ITGA2B: variants seen among roughly 807,000 people sequenced by gnomAD.
ITGA2B encodes the protein integrin alpha-IIb.
In ITGA2B, 91 loss-of-function variants were observed where a neutral mutation model predicts 142.0. That is an observed-to-expected ratio of 0.64 (90% confidence interval 0.54 to 0.76). The LOEUF is 0.76. Ranked by LOEUF, ITGA2B falls within the 30% of genes least tolerant of loss-of-function variation. The pLI, the probability that ITGA2B is intolerant of heterozygous loss-of-function variation, is 0.00. For synonymous variants in ITGA2B, 536 were observed against 567.2 expected, an observed-to-expected ratio of 0.94 and a Z score of 0.78; for missense variants, 1,231 against 1,350.8, an observed-to-expected ratio of 0.91 and a Z score of 1.39.
intron 1 of ITGA2B, among the ~76,000 whole-genome samples, chr17:44,387,988 T>C (rs901799031): frequency 3.3e-5 from 5 of 152,128 alleles, no homozygotes; most frequent in African/African-American, 1.2e-4. Flanking sequence ...GTGGGCCATC[T>C]TGGGAGGGGA....
Position 44,384,122 on chromosome 17 carries a change from G to A in ITGA2B, c.908C>T (p.Ser303Phe), listed in dbSNP as rs761397037. 3.7e-6 allele frequency: 6 copies of A among 1,613,644 alleles called. No homozygotes were observed. In the Admixed American group the frequency reaches 1.0e-4, roughly 27 times the overall value. ...WTLGAVEILD[S>F]YYQRLHRLRG... Reference sequence around the variant, plus strand: ...CAGCCGATGCAGCCTCTGGTAGTAGGAATCCAAAATTTCCACCTGCACGGA... The same window carrying A: ...CAGCCGATGCAGCCTCTGGTAGTAGAAATCCAAAATTTCCACCTGCACGGA... The change falls in exon 10 of 30, where the codon TCC becomes TTC. Residue 303 changes from serine to phenylalanine, a missense_variant. Ser to Phe is a radical substitution (Grantham distance 155). Coordinates refer to ENST00000262407, the MANE Select transcript of ITGA2B (RefSeq NM_000419.5).
chr17:44,387,342 G>C (rs1470958468), intron 1 of ITGA2B, among the ~76,000 whole-genome samples: 3 of 151,654 alleles, frequency 2.0e-5, no homozygotes, highest in Admixed American at 2.0e-4. Context: ...GGCCAACATA[G>C]TGAAACCCTG....
At chr17:44,374,183 G>T in intron 29 of ITGA2B, 171 bp downstream of exon 29, 1 of 710,214 alleles carries the variant, frequency 1.4e-6, no homozygotes, top group East Asian at 2.5e-5. Context: ...TGGGATTACA[G>T]GTGTGAGCCA....
Position 44,385,780 on chromosome 17 carries a change from C to T in ITGA2B, c.408+44G>A, listed in dbSNP as rs569899463. ...TTGGGCTCCTCCTGGCCCCAGGTGT[C>T]CCTGCCCCCGATTGTTCCCTGTGCC... On this transcript the variant is annotated intron_variant, in intron 3 of 29. Coordinates refer to ENST00000262407, the MANE Select transcript of ITGA2B (RefSeq NM_000419.5). 41 of 1,611,506 alleles carry T rather than the reference C, an allele frequency of 2.5e-5. No homozygotes were observed. In the African/African-American group the frequency reaches 5.2e-4, roughly 20 times the overall value.
chr17:44,388,315 C>T (rs1265265548), intron 1 of ITGA2B, among the ~76,000 whole-genome samples: 3 of 149,122 alleles, frequency 2.0e-5, no homozygotes, highest in African/African-American at 7.4e-5. Context: ...TTCTGCAAAT[C>T]AATTTAGGAC....
At chr17:44,389,013 AC>A (rs1407451128) in intron 1 of ITGA2B, among the ~76,000 whole-genome samples, 4 of 151,550 alleles carry the variant, frequency 2.6e-5, no homozygotes, top group Non-Finnish European at 4.4e-5. Flanking sequence ...CATACAACTG[AC>A]CCTTGGGGAA....
chr17:44,374,915 T>C (rs1040562088), intron 27 of ITGA2B, 83 bp downstream of exon 27: 8 of 1,320,312 alleles, frequency 6.1e-6, no homozygotes, highest in East Asian at 5.0e-5. Context: ...CTTCCTGCCC[T>C]CCCACACCAA....
chr17:44,375,557 GGA>G, intron 26 of ITGA2B, 32 bp downstream of exon 26: 1 of 1,611,216 alleles, frequency 6.2e-7, no homozygotes, highest in South Asian at 1.1e-5. Flanking sequence ...TGGGTCCCGG[GGA>G]GGCCGGGCCA....
At chr17:44,384,792 G>T (rs541154171) in intron 7 of ITGA2B, among the ~76,000 whole-genome samples, 156 bp downstream of exon 7, 2 of 152,274 alleles carry the variant, frequency 1.3e-5, no homozygotes, top group East Asian at 3.9e-4. Context: ...GAGGTGGGCG[G>T]TCTGCGGGGA....
chr17:44,383,223 T>G (rs889571254), intron 12 of ITGA2B, among the ~76,000 whole-genome samples: 2 of 151,848 alleles, frequency 1.3e-5, no homozygotes, highest in Non-Finnish European at 2.9e-5. Context: ...ATAATCCGAG[T>G]CCTAAATATC....
At chr17:44,377,250 C>A (rs2048553271) in intron 21 of ITGA2B, among the ~76,000 whole-genome samples, 162 bp from the exon 22 acceptor site, 1 of 151,402 alleles carries the variant, frequency 6.6e-6, no homozygotes, top group South Asian at 2.1e-4. Context: ...GGCTGGAGTG[C>A]AGTGGCATGA....
chr17:44,375,809 GTCTT>G lies in ITGA2B; in HGVS notation c.2601+20_2601+23del. On this transcript the variant is annotated intron_variant, in intron 25 of 29. Transcript: ENST00000262407. ...GGTTGGTCTGGGGCCGCCTTCCCAG[GTCTT>G]TCTTCCACCCAGCTCTTACCTTGAG... 1.3e-6 allele frequency: 2 copies of G among 1,563,504 alleles called. No homozygotes were observed. The highest frequency in any genetic ancestry group is 1.2e-5 in the South Asian group (1 of 85,344).
chr17:44,377,189 ATTC>A, intron 21 of ITGA2B, 101 bp from the exon 22 acceptor site: 1 of 828,244 alleles, frequency 1.2e-6, no homozygotes, highest in South Asian at 1.5e-5. Context: ...GATCACCACT[ATTC>A]TTTTTCTTTT....
intron 7 of ITGA2B, 151 bp from the exon 8 acceptor site, chr17:44,384,736 A>T: frequency 8.0e-7 from 1 of 1,250,864 alleles, no homozygotes; most frequent in Non-Finnish European, 1.2e-6. Context: ...GCCCTGCCCC[A>T]GGCTGCGCTA....
chr17:44,388,818 C>CTTTTTT lies in ITGA2B; in HGVS notation c.188+462_188+467dup, dbSNP rs758076614. On this transcript the variant is annotated intron_variant, in intron 1 of 29. Transcript: ENST00000262407. ...AGGTGTGAGCCACTGTGCCTGGTCT[C>CTTTTTT]TTTTTTTTTTTTTTTTTTGTATTTT... 1.6e-4 allele frequency among the ~76,000 whole-genome samples: 21 copies of CTTTTTT among 132,176 alleles called. 3 individuals are homozygous for CTTTTTT. The highest frequency in any genetic ancestry group is 1.3e-4 in the Non-Finnish European group (8 of 62,778). The allele number at this position is 132,176 out of a possible 152,430, so 86.7% of individuals were successfully genotyped here.
rs2048504826 is a variant in ITGA2B, at chr17:44,372,390, C to CCA, written c.3092_3093dup (p.Glu1032TrpfsTer?). On this transcript the variant is annotated frameshift_variant, in exon 30 of 30. Coordinates refer to ENST00000262407, the MANE Select transcript of ITGA2B (RefSeq NM_000419.5). LOFTEE classifies it high-confidence loss of function. Reference sequence around the variant, plus strand: ...CACTCCCCCTCTTCATCATCTTCTTCCAGGGGTGGCCGGTTCCGCTTGAAG... The same window carrying CCA: ...CACTCCCCCTCTTCATCATCTTCTTCCACAGGGGTGGCCGGTTCCGCTTGAAG... 43 of 1,614,096 alleles carry CCA rather than the reference C, an allele frequency of 2.7e-5. No individual in the cohort carries two copies. Among genetic ancestry groups the CCA allele is most frequent in the Non-Finnish European group, 3.1e-5 (37 of 1,180,016 alleles).
At chr17:44,388,612 G>C (rs896049666) in intron 1 of ITGA2B, among the ~76,000 whole-genome samples, 1 of 150,732 alleles carries the variant, frequency 6.6e-6, no homozygotes, top group Non-Finnish European at 1.5e-5. Context: ...TCCACCTCCC[G>C]GGTTCAAGTG....
chr17:44,386,077 C>G lies in ITGA2B; in HGVS notation c.243G>C (p.Thr81=), dbSNP rs1001811356. 1.2e-6 allele frequency: 2 copies of G among 1,611,098 alleles called. No individual in the cohort carries two copies. Among genetic ancestry groups the G allele is most frequent in the Non-Finnish European group, 1.7e-6 (2 of 1,179,648 alleles). ...TCCAGGGGCACAGGAACACGCCGCCCGTCTCCTCCTGGCTGGGGCCCAGGG... is the reference window on the plus strand; with the variant it reads ...TCCAGGGGCACAGGAACACGCCGCCGGTCTCCTCCTGGCTGGGGCCCAGGG... ...PRTLGPSQEE[T]GGVFLCPWRA... is the part of the protein sequence containing the mutation. The change falls in exon 2 of 30, where the codon ACG becomes ACC. Residue 81 remains threonine, a synonymous_variant. Transcript: ENST00000262407.
In ITGA2B at chr17:44,389,630, G is replaced by T; in HGVS notation, c.-157C>A. The T allele has an allele frequency of 1.2e-6, 1 of 808,998 alleles. No homozygotes were observed. The highest frequency in any genetic ancestry group is 1.9e-6 in the Non-Finnish European group (1 of 515,432). The allele number at this position is 808,998 out of a possible 1,614,324, so 50.1% of individuals were successfully genotyped here. A position where few individuals can be genotyped will look rare whatever the true frequency, so the allele number is the denominator to read the frequency against. Reference sequence around the variant, plus strand: ...GGGCTATAGCCCCTGGACTCATGGTGGCTAGAATTGCCAGGAAGTGGGTGA... The same window carrying T: ...GGGCTATAGCCCCTGGACTCATGGTTGCTAGAATTGCCAGGAAGTGGGTGA... On this transcript the variant is annotated 5_prime_UTR_variant, in exon 1 of 30. Coordinates refer to ENST00000262407, the MANE Select transcript of ITGA2B (RefSeq NM_000419.5).
Sources: allele counts gnomAD v4.1 joint callset (sites outside exome capture counted in the v4.1 genomes callset), GRCh38; gene constraint gnomAD v4.1.1; transcripts MANE v1.5; gene names NCBI Gene and HGNC (gene_info 2026-07-23, HGNC 2026-07-21).